The following CFAP157 variants were observed in gnomAD, a reference collection of about 807,000 sequenced individuals.
CFAP157 encodes the protein cilia and flagella associated protein 157.
In CFAP157, 43 loss-of-function variants were observed where a neutral mutation model predicts 57.8. The observed-to-expected ratio is 0.74, with a 90% CI of 0.58 to 0.96. CFAP157 has a LOEUF of 0.96. Ranked by LOEUF, CFAP157 falls within the 40% of genes least tolerant of loss-of-function variation. CFAP157 has a pLI of 0.00. For missense variants in CFAP157, 606 were observed against 655.3 expected (o/e 0.92, Z 0.82); for synonymous variants, 267 against 269.0 (o/e 0.99, Z 0.07).
chr9:127,714,345 C>T lies in CFAP157; in HGVS notation c.*440C>T. The T allele has an allele frequency of 1.2e-6, 2 of 1,614,168 alleles. No homozygotes were observed. The highest frequency in any genetic ancestry group is 1.7e-6 in the Non-Finnish European group (2 of 1,179,988). Reference sequence around the variant, plus strand: ...AGGTGCTGGGGGACCCCTGGCCCACCCGACCCAGTTGCACAACAAAAGGGT... The same window carrying T: ...AGGTGCTGGGGGACCCCTGGCCCACTCGACCCAGTTGCACAACAAAAGGGT... On this transcript the variant is annotated 3_prime_UTR_variant, in exon 9 of 9. Transcript: ENST00000373295.
At chr9:127,711,164 A>C in intron 3 of CFAP157, 65 bp from the exon 4 acceptor site, 5 of 1,565,430 alleles carry the variant, frequency 3.2e-6, no homozygotes, top group Non-Finnish European at 4.3e-6. Flanking sequence ...GAACCTCACA[A>C]AGGGGTGTGC....
Position 127,714,790 on chromosome 9 carries a change from A to C in CFAP157, c.*885A>C. 2.5e-6 allele frequency: 3 copies of C among 1,186,820 alleles called. No homozygotes were observed. Among genetic ancestry groups the C allele is most frequent in the Non-Finnish European group, 2.4e-6 (2 of 816,822 alleles). The allele number at this position is 1,186,820 out of a possible 1,614,324, so 73.5% of individuals were successfully genotyped here. A position where few individuals can be genotyped will look rare whatever the true frequency, so the allele number is the denominator to read the frequency against. On this transcript the variant is annotated 3_prime_UTR_variant, in exon 9 of 9. Transcript: ENST00000373295. ...CTCCCATGATGAGGGACCACAACTA[A>C]TCCCACTTCACATATAAAGAAACTG...
intron 3 of CFAP157, 41 bp downstream of exon 3, chr9:127,710,795 A>G: frequency 6.5e-7 from 1 of 1,548,020 alleles, no homozygotes; most frequent in Non-Finnish European, 8.7e-7. Context: ...TGGAGGCTTC[A>G]TCCCTGGGGC....
At chr9:127,713,693 G>C (rs1002364537) in intron 8 of CFAP157, 141 bp from the exon 9 acceptor site, 3 of 617,080 alleles carry the variant, frequency 4.9e-6, no homozygotes, top group Non-Finnish European at 8.8e-6. Context: ...TTTTAGTAGA[G>C]ACAGGGTTTC....
At position 127,712,840 on chromosome 9, in the gene CFAP157, C is replaced by A. The variant is rs377150093; in HGVS notation, c.1269C>A (p.His423Gln). 5.6e-6 allele frequency: 9 copies of A among 1,613,340 alleles called. No individual in the cohort carries two copies. Among genetic ancestry groups the A allele is most frequent in the Non-Finnish European group, 7.6e-6 (9 of 1,179,684 alleles). ...ATRPQKAACP[H>Q]QESQSHGPPK... ...GACCTCAGAAGGCTGCGTGTCCCCACCAGGAGTCACAGTCCCATGGCCCAC... is the reference window on the plus strand; with the variant it reads ...GACCTCAGAAGGCTGCGTGTCCCCAACAGGAGTCACAGTCCCATGGCCCAC... Residue 423 changes from histidine to glutamine, a missense_variant, in exon 7 of 9, where the codon CAC (histidine) becomes CAA (glutamine). By Grantham distance (24) the His-to-Gln change is conservative. Coordinates refer to ENST00000373295, the MANE Select transcript of CFAP157 (RefSeq NM_001012502.3).
At chr9:127,707,237 C>A in intron 1 of CFAP157, 45 bp downstream of exon 1, 1 of 1,591,014 alleles carries the variant, frequency 6.3e-7, no homozygotes, top group African/African-American at 1.3e-5. Context: ...GGGTCAGAAG[C>A]CCATGCCCAG....
At position 127,715,044 on chromosome 9, in the gene CFAP157, C is replaced by A; in HGVS notation, c.*1139C>A. ...GGCCGGAGCAGGACCAGTTGGGCAT[C>A]CCCCAGCGGGGCCAGGGCGAGGTCG... is the stretch of plus-strand genomic sequence containing the variant. On this transcript the variant is annotated 3_prime_UTR_variant, in exon 9 of 9. Coordinates refer to ENST00000373295, the MANE Select transcript of CFAP157 (RefSeq NM_001012502.3). The surrounding 1 kb of genome is among the most constrained non-coding windows in gnomAD (Gnocchi z 5.8). The A allele has an allele frequency of 1.3e-6, 2 of 1,524,644 alleles. No homozygotes were observed. The highest frequency in any genetic ancestry group is 1.2e-5 in the South Asian group (1 of 82,864). 94.4% of individuals were successfully genotyped at this position (1,524,644 alleles called of 1,614,324 possible).
In CFAP157 at chr9:127,714,074, C is replaced by G. The variant is rs1415716565; in HGVS notation, c.*169C>G. ...TGGCTGGGTTGGTGGGCACTACAGT[C>G]AGGCAGGCAGCCATGGCCACTAGTG... is the stretch of plus-strand genomic sequence containing the variant. On this transcript the variant is annotated 3_prime_UTR_variant, in exon 9 of 9. Transcript: ENST00000373295. The G allele has an allele frequency of 1.2e-6, 2 of 1,606,692 alleles. No homozygotes were observed. Among genetic ancestry groups the G allele is most frequent in the African/African-American group, 2.7e-5 (2 of 74,948 alleles).
Position 127,709,850 on chromosome 9 carries a change from C to A in CFAP157, c.433+157C>A, listed in dbSNP as rs899932460. Among the ~76,000 whole-genome samples, 2 of 152,162 alleles carry A rather than the reference C, an allele frequency of 1.3e-5. No homozygotes were observed. Among genetic ancestry groups the A allele is most frequent in the Non-Finnish European group, 2.9e-5 (2 of 68,044 alleles). On this transcript the variant is annotated intron_variant, in intron 2 of 8. Transcript: ENST00000373295. This position sits in a 1 kb window ranked among gnomAD's most constrained non-coding sequence, Gnocchi z 4.7. ...GCAATCCTACGAAGCTGGAAACATC[C>A]CCCAACCAGTTTGTAGACAAGGAAG... is the stretch of plus-strand genomic sequence containing the variant.
rs761600893 is a variant in CFAP157 at position 127,713,178 on chromosome 9, G to A, written c.1463G>A (p.Gly488Glu). The A allele has an allele frequency of 1.9e-6, 3 of 1,569,376 alleles. No homozygotes were observed. The highest frequency in any genetic ancestry group is 2.6e-6 in the Non-Finnish European group (3 of 1,157,508). ...CTGCTGTCATATATCACCCGTGTGG[G>A]GACCTTCCGGGCACACAGCAGCCCT... ...LRLLSYITRV[G>E]TFRAHSSPEM... Residue 488 changes from glycine (G) to glutamate (E), a missense_variant, in exon 8 of 9, where the codon GGG becomes GAG. Coordinates refer to ENST00000373295, the MANE Select transcript of CFAP157 (RefSeq NM_001012502.3).
chr9:127,714,828 G>A lies in CFAP157; in HGVS notation c.*923G>A, dbSNP rs143057014. On this transcript the variant is annotated 3_prime_UTR_variant, in exon 9 of 9. Transcript: ENST00000373295. Reference sequence around the variant, plus strand: ...TATAAAGAAACTGAGGCCCCCCGAAGTACCCAAAGCCATGCAGCAACTGGA... The same window carrying A: ...TATAAAGAAACTGAGGCCCCCCGAAATACCCAAAGCCATGCAGCAACTGGA... 47 of 1,063,712 alleles carry A rather than the reference G, an allele frequency of 4.4e-5. No homozygotes were observed. Among genetic ancestry groups the A allele is most frequent in the Non-Finnish European group, 6.2e-5 (45 of 723,492 alleles). 65.9% of individuals were successfully genotyped at this position (1,063,712 alleles called of 1,614,324 possible). A position where few individuals can be genotyped will look rare whatever the true frequency, so the allele number is the denominator to read the frequency against.
chr9:127,714,996 C>T lies in CFAP157; in HGVS notation c.*1091C>T. On this transcript the variant is annotated 3_prime_UTR_variant, in exon 9 of 9. Coordinates refer to ENST00000373295, the MANE Select transcript of CFAP157 (RefSeq NM_001012502.3). Reference sequence around the variant, plus strand: ...TCACCAGCCCGGGCCACGCTGCGCCCGTTGGCGTTCATAAGCCGCCGTGGC... The same window carrying T: ...TCACCAGCCCGGGCCACGCTGCGCCTGTTGGCGTTCATAAGCCGCCGTGGC... 1.4e-6 allele frequency: 2 copies of T among 1,473,474 alleles called. No individual in the cohort carries two copies. The highest frequency in any genetic ancestry group is 1.8e-6 in the Non-Finnish European group (2 of 1,117,552). 91.3% of individuals were successfully genotyped at this position (1,473,474 alleles called of 1,614,324 possible). A position where few individuals can be genotyped will look rare whatever the true frequency, so the allele number is the denominator to read the frequency against.
chr9:127,712,487 C>G (rs953206932), intron 6 of CFAP157, 138 bp downstream of exon 6: 1 of 1,455,768 alleles, frequency 6.9e-7, no homozygotes, highest in Admixed American at 2.3e-5. Context: ...CTGTCCTTCG[C>G]TGATTCTGGC....
At position 127,715,863 on chromosome 9, in the gene CFAP157, G is replaced by A. The variant is rs1337562919; in HGVS notation, c.*1958G>A. Reference sequence around the variant, plus strand: ...TGTCCCTTCGGGACTTGTGTGGGACGCTCGGAGCTCTTGCTTGACCTTCGG... The same window carrying A: ...TGTCCCTTCGGGACTTGTGTGGGACACTCGGAGCTCTTGCTTGACCTTCGG... On this transcript the variant is annotated 3_prime_UTR_variant, in exon 9 of 9. Coordinates refer to ENST00000373295, the MANE Select transcript of CFAP157 (RefSeq NM_001012502.3). This position sits in a 1 kb window ranked among gnomAD's most constrained non-coding sequence, Gnocchi z 5.8. The A allele has an allele frequency of 2.2e-6, 2 of 901,194 alleles. No homozygotes were observed. The highest frequency in any genetic ancestry group is 1.7e-5 in the African/African-American group (1 of 59,050). 55.8% of individuals were successfully genotyped at this position (901,194 alleles called of 1,614,324 possible). A position where few individuals can be genotyped will look rare whatever the true frequency, so the allele number is the denominator to read the frequency against.
At position 127,715,701 on chromosome 9, in the gene CFAP157, T is replaced by C. The variant is rs1315986663; in HGVS notation, c.*1796T>C. 2.5e-6 allele frequency: 4 copies of C among 1,573,138 alleles called. No individual in the cohort carries two copies. The highest frequency in any genetic ancestry group is 2.7e-5 in the African/African-American group (2 of 74,062). On this transcript the variant is annotated 3_prime_UTR_variant, in exon 9 of 9. Transcript: ENST00000373295. This position sits in a 1 kb window ranked among gnomAD's most constrained non-coding sequence, Gnocchi z 5.8. ...CATCACCCCGCAGCAGCCAATCGTG[T>C]TGCCAACTGTTTGGCGTCCACCGCC... is the stretch of plus-strand genomic sequence containing the variant.
At chr9:127,711,975 G>C (rs753904235) in intron 5 of CFAP157, 25 bp downstream of exon 5, 2 of 1,592,108 alleles carry the variant, frequency 1.3e-6, no homozygotes, top group Admixed American at 3.6e-5. Flanking sequence ...CGGAGGGGCG[G>C]GCGGCGGGTG....
At position 127,714,703 on chromosome 9, in the gene CFAP157, C is replaced by A. The variant is rs1327487203; in HGVS notation, c.*798C>A. On this transcript the variant is annotated 3_prime_UTR_variant, in exon 9 of 9. Coordinates refer to ENST00000373295, the MANE Select transcript of CFAP157 (RefSeq NM_001012502.3). ...TCGGCAGTCAGCCCAAACAGCTCCGCTTAGCACAGGGAAACGGCAGCCCTG... is the reference window on the plus strand; with the variant it reads ...TCGGCAGTCAGCCCAAACAGCTCCGATTAGCACAGGGAAACGGCAGCCCTG... 2 of 1,609,892 alleles carry A rather than the reference C, an allele frequency of 1.2e-6. No individual in the cohort carries two copies. Among genetic ancestry groups the A allele is most frequent in the Non-Finnish European group, 1.7e-6 (2 of 1,178,076 alleles).
rs1161690552 is a variant in CFAP157 at position 127,713,742 on chromosome 9, A to G, written c.1492-92A>G. 1.1e-5 allele frequency: 12 copies of G among 1,054,440 alleles called. 1 individual carries two copies. Among genetic ancestry groups the G allele is most frequent in the Middle Eastern group, 2.4e-4 (1 of 4,150 alleles). 65.3% of individuals were successfully genotyped at this position (1,054,440 alleles called of 1,614,324 possible). A position where few individuals can be genotyped will look rare whatever the true frequency, so the allele number is the denominator to read the frequency against. Reference sequence around the variant, plus strand: ...GGCTGGTCTCGAACTCCTGACGTCAAGCAATCCCCCAGCCTCGGCCTCCCA... The same window carrying G: ...GGCTGGTCTCGAACTCCTGACGTCAGGCAATCCCCCAGCCTCGGCCTCCCA... On this transcript the variant is annotated intron_variant, in intron 8 of 8. Coordinates refer to ENST00000373295, the MANE Select transcript of CFAP157 (RefSeq NM_001012502.3).
Position 127,709,324 on chromosome 9 carries a change from C to T in CFAP157, c.162-98C>T. ...TGATCACAAGGAAACTCAAATGCCCCTTTACGGGACAGGGAGTCCAGGAGA... is the reference window on the plus strand; with the variant it reads ...TGATCACAAGGAAACTCAAATGCCCTTTTACGGGACAGGGAGTCCAGGAGA... On this transcript the variant is annotated intron_variant, in intron 1 of 8. Transcript: ENST00000373295. This position sits in a 1 kb window ranked among gnomAD's most constrained non-coding sequence, Gnocchi z 4.7. 3.8e-6 allele frequency: 5 copies of T among 1,323,806 alleles called. No homozygotes were observed. The highest frequency in any genetic ancestry group is 1.5e-5 in the African/African-American group (1 of 68,130). The allele number at this position is 1,323,806 out of a possible 1,614,324, so 82.0% of individuals were successfully genotyped here.
Sources: gnomAD v4.1 joint callset for allele counts (sites outside exome capture counted in the v4.1 genomes callset) on GRCh38, gnomAD v4.1.1 for gene constraint, Gnocchi (gnomAD v3.1) non-coding constraint, MANE v1.5 for transcripts, NCBI Gene and HGNC (gene_info 2026-07-23, HGNC 2026-07-21) for gene names.